The following DYSF variants were observed in gnomAD, a reference collection of about 807,000 sequenced individuals.
DYSF encodes the protein dysferlin.
In DYSF, 212 loss-of-function variants were observed where a neutral mutation model predicts 274.9. The observed-to-expected ratio is 0.77, with a 90% CI of 0.69 to 0.86. The LOEUF (loss-of-function observed/expected upper bound fraction) is 0.86. Among genes scored for constraint, DYSF ranks in the 40% least tolerant of loss-of-function variants. The pLI, the probability that DYSF is intolerant of heterozygous loss-of-function variation, is 0.00. For synonymous variants in DYSF, 1,091 were observed against 1,078.7 expected (o/e 1.01, Z -0.22); for missense variants, 2,666 against 2,783.2 (o/e 0.96, Z 0.95).
rs574185687 is a variant in DYSF at position 71,525,475 on chromosome 2, C to T, written c.1150-745C>T. On this transcript the variant is annotated intron_variant, in intron 12 of 55. Transcript: ENST00000410020. ...CTGACCTCAGGTGATCCGCCTGCCT[C>T]GGCCTCCCAGAGTGCTAGGATTACA... Among the ~76,000 whole-genome samples, 38 of 152,244 alleles carry T rather than the reference C, an allele frequency of 2.5e-4. No homozygotes were observed. In the South Asian group the frequency reaches 2.9e-3, roughly 12 times the overall value.
intron 4 of DYSF, among the ~76,000 whole-genome samples, chr2:71,503,637 C>T (rs1263855462): frequency 2.6e-5 from 4 of 152,154 alleles, no homozygotes; most frequent in Non-Finnish European, 2.9e-5. Context: ...TGGCTATAGC[C>T]CACCTAGTCT....
chr2:71,473,381 A>T (rs2082174083), intron 1 of DYSF, among the ~76,000 whole-genome samples: 2 of 152,174 alleles, frequency 1.3e-5, no homozygotes, highest in South Asian at 4.1e-4. Flanking sequence ...GCCGTCAAGA[A>T]ACGCCCTGCA....
At chr2:71,510,858 C>T (rs770125635) in intron 4 of DYSF, among the ~76,000 whole-genome samples, 10 of 152,242 alleles carry the variant, frequency 6.6e-5, no homozygotes. Context: ...GATCTGTCTA[C>T]TATTTGTTTG....
At chr2:71,525,682 C>A (rs145729835) in intron 12 of DYSF, among the ~76,000 whole-genome samples, 1 of 148,792 alleles carries the variant, frequency 6.7e-6, no homozygotes, top group Non-Finnish European at 1.5e-5. Context: ...TTATTGGATT[C>A]GTTTGCTGAA....
chr2:71,608,349 T>C (rs866165097), intron 36 of DYSF, among the ~76,000 whole-genome samples: 2 of 151,996 alleles, frequency 1.3e-5, no homozygotes, highest in Non-Finnish European at 2.9e-5. Flanking sequence ...GAGGAGCATT[T>C]GGACGCATGG....
At chr2:71,601,164 G>A (rs748227422) in intron 34 of DYSF, 20 of 586,070 alleles carry the variant, frequency 3.4e-5, no homozygotes, top group African/African-American at 5.6e-5. Flanking sequence ...CAGGATCCCC[G>A]TTGCATTGCT....
At chr2:71,588,297 G>A (rs941701806) in intron 30 of DYSF, among the ~76,000 whole-genome samples, 2 of 152,162 alleles carry the variant, frequency 1.3e-5, no homozygotes, top group African/African-American at 2.4e-5. Context: ...CATAGTGACC[G>A]AGGGTGATGA....
chr2:71,536,646 G>A (rs180981789), intron 16 of DYSF, among the ~76,000 whole-genome samples: 3 of 152,294 alleles, frequency 2.0e-5, no homozygotes, highest in South Asian at 2.1e-4. Context: ...CAAAGGCATC[G>A]GCGTACTGTA....
At chr2:71,472,889 A>G (rs1178788394) in intron 1 of DYSF, among the ~76,000 whole-genome samples, 2 of 152,198 alleles carry the variant, frequency 1.3e-5, no homozygotes, top group Non-Finnish European at 2.9e-5. Flanking sequence ...TGTTTCTAGT[A>G]TCTTCTCCAG....
chr2:71,538,806 A>C (rs1559108349), intron 16 of DYSF, among the ~76,000 whole-genome samples: 2 of 152,138 alleles, frequency 1.3e-5, no homozygotes, highest in Admixed American at 6.5e-5. Flanking sequence ...TGGCTCCCTG[A>C]ACAGGCCAGT....
At chr2:71,539,902 G>C (rs2089764423) in intron 17 of DYSF, among the ~76,000 whole-genome samples, 1 of 152,122 alleles carries the variant, frequency 6.6e-6, no homozygotes, top group Admixed American at 6.6e-5. Flanking sequence ...AATTTTAAGT[G>C]AATACACATA....
intron 36 of DYSF, chr2:71,610,918 G>A (rs2093743741): frequency 2.5e-6 from 1 of 402,678 alleles, no homozygotes; most frequent in Non-Finnish European, 4.7e-6. Flanking sequence ...CATATGCTGT[G>A]TGCGTATCAG....
rs112336961 is a variant in DYSF, at chr2:71,602,002, G to A, written c.3927+474G>A. Among the ~76,000 whole-genome samples, 213 of 152,290 alleles carry A rather than the reference G, an allele frequency of 1.4e-3. 1 individual carries two copies. The highest frequency in any genetic ancestry group is 4.6e-3 in the African/African-American group (190 of 41,556). Reference sequence around the variant, plus strand: ...CTCCAGGGCCTTCTCACACATGCACGAGTTTCAGAAGCCCTGATTCAGACC... The same window carrying A: ...CTCCAGGGCCTTCTCACACATGCACAAGTTTCAGAAGCCCTGATTCAGACC... On this transcript the variant is annotated intron_variant, in intron 35 of 55. Coordinates refer to ENST00000410020, the MANE Select transcript of DYSF (RefSeq NM_001130987.2).
At chr2:71,499,635 C>T (rs923549187) in intron 3 of DYSF, among the ~76,000 whole-genome samples, 1 of 152,210 alleles carries the variant, frequency 6.6e-6, no homozygotes, top group African/African-American at 2.4e-5. Context: ...TCTTTTTCTA[C>T]GGAGGAAAAG....
At chr2:71,534,990 G>A in intron 14 of DYSF, 31 bp from the exon 15 acceptor site, 1 of 1,613,446 alleles carries the variant, frequency 6.2e-7, no homozygotes, top group Non-Finnish European at 8.5e-7. Context: ...CATGGAGCTT[G>A]ATCAACTTGT....
intron 47 of DYSF, among the ~76,000 whole-genome samples, chr2:71,666,931 A>G (rs1409897317): frequency 6.6e-6 from 1 of 152,210 alleles, no homozygotes; most frequent in Non-Finnish European, 1.5e-5. Context: ...TGTTATTGCT[A>G]TTATTTTAGC....
At chr2:71,580,018 G>T (rs1211379022) in intron 30 of DYSF, among the ~76,000 whole-genome samples, 3 of 152,204 alleles carry the variant, frequency 2.0e-5, no homozygotes, top group African/African-American at 7.2e-5. Flanking sequence ...CCTCTCTCCA[G>T]GTGTCCCCTG....
At position 71,667,350 on chromosome 2, in the gene DYSF, A is replaced by G. The variant is rs768478629; in HGVS notation, c.5318-26A>G. 4 of 1,613,770 alleles carry G rather than the reference A, an allele frequency of 2.5e-6. No individual in the cohort carries two copies. The East Asian group carries it at 6.7e-5, about 27-fold the overall frequency. Reference sequence around the variant, plus strand: ...ATCTCTCGCTTCCCCAGCTCCTGCAACTTTTTTGTCTTCTCTCTGGGGCAG... The same window carrying G: ...ATCTCTCGCTTCCCCAGCTCCTGCAGCTTTTTTGTCTTCTCTCTGGGGCAG... On this transcript the variant is annotated intron_variant, in intron 47 of 55. Coordinates refer to ENST00000410020, the MANE Select transcript of DYSF (RefSeq NM_001130987.2).
chr2:71,513,548 A>G (rs2086326239), intron 6 of DYSF, among the ~76,000 whole-genome samples, 168 bp from the exon 7 acceptor site: 1 of 152,090 alleles, frequency 6.6e-6, no homozygotes, highest in African/African-American at 2.4e-5. Context: ...TCTTCTTTCT[A>G]CCTTATCCAT....
Sources: gnomAD v4.1 joint callset for allele counts (sites outside exome capture counted in the v4.1 genomes callset) on GRCh38, gnomAD v4.1.1 for gene constraint, MANE v1.5 for transcripts, NCBI Gene and HGNC (gene_info 2026-07-23, HGNC 2026-07-21) for gene names.